The following SNCAIP variants were observed in gnomAD, a reference collection of about 807,000 sequenced individuals.
SNCAIP encodes the protein synphilin-1.
A neutral mutation model predicts 86.7 loss-of-function variants in SNCAIP; 43 were observed. The ratio of observed to expected loss-of-function variants is 0.50; its 90% CI spans 0.39 to 0.64. The LOEUF (loss-of-function observed/expected upper bound fraction) is 0.64. Ranked by LOEUF, SNCAIP falls within the 30% of genes least tolerant of loss-of-function variation. SNCAIP has a pLI of 0.00. For synonymous variants in SNCAIP, 417 were observed against 427.2 expected (o/e 0.98, Z 0.29); for missense variants, 981 against 1,103.1 (o/e 0.89, Z 1.57).
chr5:122,448,630 ATAT>A (rs1448674331), intron 8 of SNCAIP, among the ~76,000 whole-genome samples: 5 of 138,730 alleles, frequency 3.6e-5, no homozygotes, highest in South Asian at 2.1e-4. Context: ...TATATAATAT[ATAT>A]TATATGTTAT....
intron 5 of SNCAIP, among the ~76,000 whole-genome samples, chr5:122,431,048 T>C (rs570428785): frequency 9.8e-5 from 15 of 152,298 alleles, no homozygotes; most frequent in African/African-American, 3.6e-4. Flanking sequence ...TCTTTGGGGA[T>C]TGGAAAACAG....
chr5:122,393,795 C>T (rs1051682960), intron 2 of SNCAIP, among the ~76,000 whole-genome samples: 3 of 152,192 alleles, frequency 2.0e-5, no homozygotes, highest in African/African-American at 7.2e-5. Flanking sequence ...ACCTCTACAA[C>T]ATAGATTATT....
intron 1 of SNCAIP, among the ~76,000 whole-genome samples, chr5:122,377,390 C>T (rs981189243): frequency 6.6e-6 from 1 of 152,070 alleles, no homozygotes; most frequent in African/African-American, 2.4e-5. Context: ...TCTTCTCCTG[C>T]ACAGCTCCTG....
chr5:122,404,012 C>G (rs1416598830), intron 3 of SNCAIP, 147 bp downstream of exon 3: 6 of 695,540 alleles, frequency 8.6e-6, no homozygotes, highest in Middle Eastern at 7.3e-4. Context: ...CCACCTCATG[C>G]CCTGCCTTCA....
intron 1 of SNCAIP, among the ~76,000 whole-genome samples, chr5:122,387,626 A>G (rs1425665816): frequency 1.3e-5 from 2 of 152,186 alleles, no homozygotes; most frequent in Non-Finnish European, 2.9e-5. Flanking sequence ...TGCACTTGGC[A>G]CGGCTTCCTC....
intron 1 of SNCAIP, among the ~76,000 whole-genome samples, chr5:122,343,859 C>G (rs562425492): frequency 2.6e-5 from 4 of 152,332 alleles, no homozygotes; most frequent in African/African-American, 7.2e-5. Context: ...AGAACCAGTT[C>G]TTGTCTTAAC....
Position 122,451,165 on chromosome 5 carries a change from A to T in SNCAIP, c.2318A>T (p.Gln773Leu). The change falls in exon 10 of 11, where the codon CAG becomes CTG. Residue 773 changes from glutamine (Q) to leucine (L), a missense_variant. Gln to Leu is a moderately radical substitution (Grantham distance 113, BLOSUM62 -2). Transcript: ENST00000261368. ...YPGSGSIPPN[Q>L]PSGDPQQPSP... ...GGCTCAGGGAGTATTCCTCCAAACCAGCCCTCTGGTGACCCTCAGCAGCCC... is the reference window on the plus strand; with the variant it reads ...GGCTCAGGGAGTATTCCTCCAAACCTGCCCTCTGGTGACCCTCAGCAGCCC... 1 of 1,614,132 alleles carries T rather than the reference A, an allele frequency of 6.2e-7. No individual in the cohort carries two copies. Among genetic ancestry groups the T allele is most frequent in the Non-Finnish European group, 8.5e-7 (1 of 1,180,026 alleles).
chr5:122,358,960 A>T (rs1346080305), intron 1 of SNCAIP, among the ~76,000 whole-genome samples: 2 of 152,212 alleles, frequency 1.3e-5, no homozygotes, highest in Non-Finnish European at 2.9e-5. Context: ...CCCTGAAACA[A>T]ATCACATAGA....
intron 3 of SNCAIP, among the ~76,000 whole-genome samples, chr5:122,410,622 A>T (rs1197852184): frequency 6.6e-6 from 1 of 152,198 alleles, no homozygotes; most frequent in Non-Finnish European, 1.5e-5. Context: ...CAGAAGTTCA[A>T]GACCAGCCTG....
intron 10 of SNCAIP, among the ~76,000 whole-genome samples, chr5:122,460,003 A>G (rs1561826195): frequency 6.6e-6 from 1 of 152,198 alleles, no homozygotes; most frequent in East Asian, 1.9e-4. Context: ...CTACTATAGA[A>G]AATCAAAATG....
intron 1 of SNCAIP, among the ~76,000 whole-genome samples, chr5:122,314,999 A>G (rs1049343210): frequency 6.6e-6 from 1 of 152,264 alleles, no homozygotes; most frequent in Non-Finnish European, 1.5e-5. Flanking sequence ...AGTGCCTAAG[A>G]TGCTAAATAG....
At chr5:122,365,892 T>C in intron 1 of SNCAIP, among the ~76,000 whole-genome samples, 1 of 151,978 alleles carries the variant, frequency 6.6e-6, no homozygotes, top group Non-Finnish European at 1.5e-5. Context: ...TCGAGCGTCA[T>C]TTGCTGGGGA....
intron 2 of SNCAIP, among the ~76,000 whole-genome samples, chr5:122,396,317 G>C (rs903367444): frequency 6.6e-6 from 1 of 152,100 alleles, no homozygotes; most frequent in Non-Finnish European, 1.5e-5. Context: ...TAGACCCCAG[G>C]ACTAGAATCT....
intron 6 of SNCAIP, chr5:122,437,437 GTATA>G (rs1247388478): frequency 6.6e-6 from 1 of 152,060 alleles, no homozygotes; most frequent in Non-Finnish European, 1.5e-5. Context: ...AAAAGACAAG[GTATA>G]TAGTCAATCC....
chr5:122,443,178 C>T (rs1384713602), intron 7 of SNCAIP, among the ~76,000 whole-genome samples: 1 of 152,130 alleles, frequency 6.6e-6, no homozygotes, highest in Non-Finnish European at 1.5e-5. Context: ...GAAAACGAAG[C>T]TCCTTACTGA....
chr5:122,442,883 G>T (rs1781368818), intron 7 of SNCAIP, among the ~76,000 whole-genome samples: 1 of 151,998 alleles, frequency 6.6e-6, no homozygotes, highest in Non-Finnish European at 1.5e-5. Context: ...CTTGGAAGGG[G>T]ATCTGTCCAC....
chr5:122,408,036 G>GAGAC (rs1418252369), intron 3 of SNCAIP, among the ~76,000 whole-genome samples: 1 of 152,190 alleles, frequency 6.6e-6, no homozygotes, highest in Non-Finnish European at 1.5e-5. Flanking sequence ...TAGGTGTGTG[G>GAGAC]AGACAGCAGT....
chr5:122,417,256 C>T (rs1022386331), intron 3 of SNCAIP, among the ~76,000 whole-genome samples: 4 of 152,116 alleles, frequency 2.6e-5, no homozygotes, highest in African/African-American at 9.7e-5. Flanking sequence ...TCAGCATAGC[C>T]TCATAATTAT....
rs2152993415 is a variant in SNCAIP at position 122,448,593 on chromosome 5, T to TATATATATA, written c.1593-1252_1593-1251insATATATATA. Among the ~76,000 whole-genome samples, 5 of 112,794 alleles carry TATATATATA rather than the reference T, an allele frequency of 4.4e-5. No homozygotes were observed. The South Asian group carries it at 1.7e-3, about 38-fold the overall frequency. The allele number at this position is 112,794 out of a possible 152,430, so 74.0% of individuals were successfully genotyped here. A position where few individuals can be genotyped will look rare whatever the true frequency, so the allele number is the denominator to read the frequency against. ...TATCCTTCCATATTTTATATATATTTTTATATATATTATATATATTTTTAT... is the reference window on the plus strand; with the variant it reads ...TATCCTTCCATATTTTATATATATTTATATATATATTATATATATTATATATATTTTTAT... On this transcript the variant is annotated intron_variant, in intron 8 of 10. Coordinates refer to ENST00000261368, the MANE Select transcript of SNCAIP (RefSeq NM_005460.4).
Sources: gnomAD v4.1 joint callset for allele counts (sites outside exome capture counted in the v4.1 genomes callset) on GRCh38, gnomAD v4.1.1 for gene constraint, MANE v1.5 for transcripts, NCBI Gene and HGNC (gene_info 2026-07-23, HGNC 2026-07-21) for gene names.